The following SMYD3 variants were observed in gnomAD, a reference collection of about 807,000 sequenced individuals.
SMYD3 encodes SET and MYND domain containing 3, also known as histone-lysine N-methyltransferase SMYD3.
In SMYD3, 36 loss-of-function variants were observed where a neutral mutation model predicts 57.7. That is an observed-to-expected ratio of 0.62 (90% CI 0.48 to 0.82). The LOEUF (loss-of-function observed/expected upper bound fraction) is 0.82, where lower values mean the gene tolerates loss of function less well. Among genes scored for constraint, SMYD3 ranks in the 40% least tolerant of loss-of-function variants. The probability of loss-of-function intolerance (pLI) is 0.00; values close to 1 mark genes in which losing one functional copy is unlikely to be tolerated. For synonymous variants in SMYD3, 211 were observed against 195.0 expected (o/e 1.08, Z -0.68); for missense variants, 515 against 538.8 (o/e 0.96, Z 0.44).
intron 1 of SMYD3, among the ~76,000 whole-genome samples, chr1:246,443,229 C>G (rs75101062): frequency 0.14 from 21,834 of 152,046 alleles, 1,725 homozygotes; most frequent in Middle Eastern, 0.21. Context: ...TGTGTTAAAC[C>G]CTATTTAATA....
intron 5 of SMYD3, among the ~76,000 whole-genome samples, chr1:246,227,487 C>T (rs971201829): frequency 2.0e-5 from 3 of 152,062 alleles, no homozygotes; most frequent in African/African-American, 4.8e-5. Flanking sequence ...TGGTGGCGGG[C>T]GCCTGAAGTC....
chr1:246,376,568 G>A (rs1335021438), intron 1 of SMYD3, among the ~76,000 whole-genome samples: 2 of 137,024 alleles, frequency 1.5e-5, no homozygotes, highest in African/African-American at 5.6e-5. Flanking sequence ...TCCAGCCTGG[G>A]CAACAGTGCG....
chr1:246,317,762 AT>A (rs2065187443), intron 5 of SMYD3, among the ~76,000 whole-genome samples: 1 of 152,206 alleles, frequency 6.6e-6, no homozygotes, highest in African/African-American at 2.4e-5. Context: ...CCAATTTAAA[AT>A]AATTTTTTTA....
chr1:245,764,813 T>C lies in SMYD3; in HGVS notation c.1077-664A>G, dbSNP rs115885196. On this transcript the variant is annotated intron_variant, in intron 10 of 11. Coordinates refer to ENST00000490107, the MANE Select transcript of SMYD3 (RefSeq NM_001167740.2). ...CTGGACCCTTTCACATAGAACAGAA[T>C]AGAATACGGTGTTGTCGTGGACCAA... Among the ~76,000 whole-genome samples, 301 of 152,164 alleles carry C rather than the reference T, an allele frequency of 2.0e-3. 2 individuals carry two copies. The highest frequency in any genetic ancestry group is 6.5e-3 in the African/African-American group (271 of 41,504).
intron 5 of SMYD3, among the ~76,000 whole-genome samples, chr1:245,949,825 A>ACCCCCCCCCCCCCCCCCCCCCCCCCC (rs376505931): frequency 3.2e-5 from 3 of 93,296 alleles, no homozygotes; most frequent in Non-Finnish European, 3.8e-5. Flanking sequence ...AAAGAAACCC[A>ACCCCCCCCCCCCCCCCCCCCCCCCCC]CCCCCCCCAC....
At chr1:246,448,409 T>C (rs1348706527) in intron 1 of SMYD3, among the ~76,000 whole-genome samples, 1 of 152,058 alleles carries the variant, frequency 6.6e-6, no homozygotes, top group African/African-American at 2.4e-5. Context: ...AAACAGAACT[T>C]TGAATATGTT....
chr1:246,366,315 A>G (rs905102719), intron 1 of SMYD3, among the ~76,000 whole-genome samples: 1 of 152,238 alleles, frequency 6.6e-6, no homozygotes. Context: ...TACATATTAA[A>G]TGACTAAATA....
At chr1:246,287,764 G>T (rs917864480) in intron 5 of SMYD3, among the ~76,000 whole-genome samples, 5 of 152,298 alleles carry the variant, frequency 3.3e-5, no homozygotes, top group Non-Finnish European at 5.9e-5. Context: ...GAAAGACTCA[G>T]TGTTCAATTA....
chr1:245,915,901 T>A (rs1259549912), intron 7 of SMYD3, among the ~76,000 whole-genome samples: 3 of 152,206 alleles, frequency 2.0e-5, no homozygotes, highest in Non-Finnish European at 4.4e-5. Context: ...CTCTACCCAC[T>A]TTTGTATCTT....
chr1:246,344,845 A>C (rs2065686505), intron 2 of SMYD3, among the ~76,000 whole-genome samples: 1 of 152,150 alleles, frequency 6.6e-6, no homozygotes, highest in South Asian at 2.1e-4. Flanking sequence ...TTATCTTTTA[A>C]TGTATATCTT....
chr1:245,909,287 C>T (rs2054799196), intron 8 of SMYD3, among the ~76,000 whole-genome samples: 1 of 152,044 alleles, frequency 6.6e-6, no homozygotes, highest in Non-Finnish European at 1.5e-5. Context: ...AGAACAATAG[C>T]AAGTAATGAG....
intron 1 of SMYD3, among the ~76,000 whole-genome samples, chr1:246,490,762 G>T (rs1245286794): frequency 6.6e-6 from 1 of 152,156 alleles, no homozygotes; most frequent in Non-Finnish European, 1.5e-5. Flanking sequence ...AGCTATTCTG[G>T]AGGCTGAGGT....
At chr1:245,828,493 G>T (rs1223998828) in intron 10 of SMYD3, among the ~76,000 whole-genome samples, 3 of 151,778 alleles carry the variant, frequency 2.0e-5, no homozygotes, top group South Asian at 4.2e-4. Flanking sequence ...ATTTTTTTTT[G>T]ATGATAGGTC....
chr1:245,870,515 T>G (rs2052126375), intron 8 of SMYD3, among the ~76,000 whole-genome samples: 1 of 152,176 alleles, frequency 6.6e-6, no homozygotes, highest in Admixed American at 6.5e-5. Flanking sequence ...CATCTATCCC[T>G]GCATGAATCA....
intron 10 of SMYD3, among the ~76,000 whole-genome samples, chr1:245,795,505 T>G (rs1026985955): frequency 6.6e-6 from 1 of 152,194 alleles, no homozygotes; most frequent in Non-Finnish European, 1.5e-5. Context: ...TGGCTTCAGC[T>G]CCATCACTTC....
Position 245,826,528 on chromosome 1 carries a change from T to C in SMYD3, c.1076+31968A>G, listed in dbSNP as rs114975673. ...CTGCATCCAGCCAAAATTTCCTTGT[T>C]TATTAAGGCTGGAAACACTACATTT... On this transcript the variant is annotated intron_variant, in intron 10 of 11. Coordinates refer to ENST00000490107, the MANE Select transcript of SMYD3 (RefSeq NM_001167740.2). Among the ~76,000 whole-genome samples, 597 of 152,296 alleles carry C rather than the reference T, an allele frequency of 3.9e-3. 4 individuals are homozygous for C. Among genetic ancestry groups the C allele is most frequent in the African/African-American group, 0.014 (565 of 41,558 alleles).
intron 10 of SMYD3, among the ~76,000 whole-genome samples, chr1:245,800,223 C>T (rs2148234293): frequency 6.6e-6 from 1 of 152,266 alleles, no homozygotes; most frequent in South Asian, 2.1e-4. Flanking sequence ...CGGTAGTTCA[C>T]TTTACTCTCA....
At chr1:246,424,926 T>TTA (rs1214273671) in intron 1 of SMYD3, among the ~76,000 whole-genome samples, 1 of 152,236 alleles carries the variant, frequency 6.6e-6, no homozygotes, top group East Asian at 1.9e-4. Context: ...TAATTATACT[T>TTA]TATATAATTT....
chr1:246,017,125 G>A (rs1205549589), intron 5 of SMYD3, among the ~76,000 whole-genome samples: 1 of 152,068 alleles, frequency 6.6e-6, no homozygotes, highest in Non-Finnish European at 1.5e-5. Flanking sequence ...GTATCAGCAA[G>A]GTATGAGGCC....
Sources: allele counts gnomAD v4.1 joint callset (sites outside exome capture counted in the v4.1 genomes callset), GRCh38; gene constraint gnomAD v4.1.1; transcripts MANE v1.5; gene names NCBI Gene and HGNC (gene_info 2026-07-23, HGNC 2026-07-21).